The following CASK variants were observed in gnomAD, a reference collection of about 807,000 sequenced individuals.
CASK encodes calcium/calmodulin dependent serine protein kinase, also known as peripheral plasma membrane protein CASK.
CASK carries 4 observed loss-of-function variants against 82.9 expected under a neutral mutation model. The observed-to-expected ratio is 0.05, with a 90% CI of 0.02 to 0.11. CASK has a LOEUF of 0.11. Ranked by LOEUF, CASK falls within the 10% of genes least tolerant of loss-of-function variation. The probability of loss-of-function intolerance (pLI) is 1.00; values close to 1 mark genes in which losing one functional copy is unlikely to be tolerated. For synonymous variants in CASK, 259 were observed against 253.5 expected, an observed-to-expected ratio of 1.02 and a Z score of -0.20; for missense variants, 358 against 720.9, an observed-to-expected ratio of 0.50 and a Z score of 5.76.
intron 2 of CASK, among the ~76,000 whole-genome samples, chrX:41,809,464 T>C (rs1298132038): frequency 8.9e-6 from 1 of 112,273 alleles, no homozygotes; most frequent in Non-Finnish European, 1.9e-5. Context: ...CCGCAGCTGA[T>C]ACTCAGGCAA....
intron 25 of CASK, among the ~76,000 whole-genome samples, chrX:41,527,258 AGT>A (rs1202175635): frequency 9.2e-6 from 1 of 108,994 alleles, no homozygotes; most frequent in Non-Finnish European, 1.9e-5. Context: ...AGAGAGAGAG[AGT>A]GTGTGTGTGT....
At chrX:41,625,986 C>T (rs1177988413) in intron 10 of CASK, among the ~76,000 whole-genome samples, 2 of 65,197 alleles carry the variant, frequency 3.1e-5, no homozygotes, top group African/African-American at 1.2e-4. Context: ...TGTGTTTTTG[C>T]AGAGATGGGG....
intron 11 of CASK, among the ~76,000 whole-genome samples, chrX:41,613,605 G>C (rs1184704317): frequency 1.2e-5 from 1 of 81,489 alleles, no homozygotes; most frequent in African/African-American, 4.8e-5. Context: ...CCCCCTCTGC[G>C]AGAAACACCC....
chrX:41,815,845 C>T (rs1011071558), intron 2 of CASK, among the ~76,000 whole-genome samples: 1 of 112,003 alleles, frequency 8.9e-6, no homozygotes, highest in Admixed American at 9.5e-5. Flanking sequence ...CAACAAATTG[C>T]ATAAAACCAG....
intron 5 of CASK, among the ~76,000 whole-genome samples, chrX:41,703,311 T>A (rs1268008503): frequency 8.9e-6 from 1 of 112,345 alleles, no homozygotes; most frequent in Non-Finnish European, 1.9e-5. Context: ...AAATGTTAGA[T>A]ATATTAAAGC....
At chrX:41,686,708 T>C (rs1331621924) in intron 5 of CASK, among the ~76,000 whole-genome samples, 1 of 111,788 alleles carries the variant, frequency 8.9e-6, no homozygotes, top group Non-Finnish European at 1.9e-5. Flanking sequence ...CATCATTGAG[T>C]GTTTGTATCC....
chrX:41,803,579 G>A (rs1003511941), intron 2 of CASK, among the ~76,000 whole-genome samples: 3 of 111,484 alleles, frequency 2.7e-5, no homozygotes, highest in African/African-American at 3.3e-5. Flanking sequence ...GTGACAGAGC[G>A]AGACTGTCTC....
intron 19 of CASK, 160 bp from the exon 20 acceptor site, chrX:41,555,795 C>A: frequency 2.2e-6 from 1 of 452,554 alleles, no homozygotes; most frequent in Non-Finnish European, 3.9e-6. Context: ...GTTGAGTTAT[C>A]AAAAAGTCAA....
At chrX:41,622,496 T>G in intron 11 of CASK, 121 bp downstream of exon 11, 2 of 502,279 alleles carry the variant, frequency 4.0e-6, no homozygotes, top group East Asian at 7.9e-5. Context: ...AGTGTTAAAA[T>G]TAATACTTAA....
At chrX:41,604,835 T>C (rs1195380255) in intron 12 of CASK, among the ~76,000 whole-genome samples, 2 of 112,387 alleles carry the variant, frequency 1.8e-5, no homozygotes, top group Non-Finnish European at 3.8e-5. Flanking sequence ...CTGGAACCAC[T>C]TGGATAGCAA....
chrX:41,515,449 A>T lies in CASK; in HGVS notation c.*4971T>A, dbSNP rs989620426. On this transcript the variant is annotated 3_prime_UTR_variant, in exon 27 of 27. Transcript: ENST00000378163. Reference sequence around the variant, plus strand: ...ATAAAAAGGCAATAATACATACAGAAAAAAGAACACGTTGGCAAAACTTTA... The same window carrying T: ...ATAAAAAGGCAATAATACATACAGATAAAAGAACACGTTGGCAAAACTTTA... 3.6e-5 allele frequency: 4 copies of T among 112,353 alleles called. No homozygotes were observed. The highest frequency in any genetic ancestry group is 7.5e-5 in the Non-Finnish European group (4 of 53,262). The allele number at this position is 112,353 out of a possible 1,213,427, so 9.3% of individuals were successfully genotyped here.
chrX:41,626,742 A>G, intron 9 of CASK, 39 bp from the exon 10 acceptor site: 8 of 813,834 alleles, frequency 9.8e-6, no homozygotes, highest in Non-Finnish European at 1.5e-5. Flanking sequence ...ATTAAAACAA[A>G]TACACAAATA....
chrX:41,566,953 T>C (rs1158236608), intron 16 of CASK, among the ~76,000 whole-genome samples: 1 of 111,964 alleles, frequency 8.9e-6, no homozygotes, highest in Non-Finnish European at 1.9e-5. Flanking sequence ...AACCATCTGA[T>C]CTTTGACAAA....
intron 11 of CASK, among the ~76,000 whole-genome samples, chrX:41,621,122 TAA>T (rs1294745037): frequency 8.0e-5 from 8 of 99,902 alleles, no homozygotes; most frequent in Admixed American, 2.2e-4. Flanking sequence ...TTGGCTGATT[TAA>T]AAAAAAAAAA....
intron 5 of CASK, among the ~76,000 whole-genome samples, chrX:41,723,957 A>G (rs1414231117): frequency 8.9e-6 from 1 of 112,047 alleles, no homozygotes; most frequent in Non-Finnish European, 1.9e-5. Flanking sequence ...ACTTCAGTCA[A>G]TCGTGCAAAC....
intron 5 of CASK, among the ~76,000 whole-genome samples, chrX:41,715,489 G>A (rs1008612274): frequency 8.1e-5 from 9 of 110,774 alleles, no homozygotes; most frequent in Non-Finnish European, 1.5e-4. Flanking sequence ...GGGCATGGTG[G>A]TGCGCACCTG....
At chrX:41,657,272 G>A (rs967905829) in intron 8 of CASK, among the ~76,000 whole-genome samples, 1 of 112,446 alleles carries the variant, frequency 8.9e-6, no homozygotes, top group African/African-American at 3.2e-5. Context: ...TTAACACCTT[G>A]AAAGAGACTC....
At chrX:41,553,949 T>C (rs767680920) in intron 20 of CASK, 34 bp from the exon 21 acceptor site, 4 of 1,024,878 alleles carry the variant, frequency 3.9e-6, no homozygotes, top group East Asian at 6.1e-5. Context: ...AAGGATGCCA[T>C]AGTGATGTGA....
At chrX:41,642,679 T>C (rs1238322126) in intron 8 of CASK, among the ~76,000 whole-genome samples, 1 of 112,203 alleles carries the variant, frequency 8.9e-6, no homozygotes, top group Non-Finnish European at 1.9e-5. Context: ...TGTAAAAATT[T>C]TCTCCCATTC....
Sources: allele counts gnomAD v4.1 joint callset (sites outside exome capture counted in the v4.1 genomes callset), GRCh38; gene constraint gnomAD v4.1.1; transcripts MANE v1.5; gene names NCBI Gene and HGNC (gene_info 2026-07-23, HGNC 2026-07-21).